Variants in ERC2 observed in about 807,000 individuals in gnomAD.
The protein encoded by ERC2 is ELKS/RAB6-interacting/CAST family member 2, also known as ERC protein 2.
ERC2 carries 42 observed loss-of-function variants against 114.8 expected under a neutral mutation model. The observed-to-expected ratio is 0.37, with a 90% CI of 0.29 to 0.47. ERC2 has a LOEUF of 0.47. ERC2 is among the 20% of genes least tolerant of loss of function. ERC2 has a pLI of 0.99. For missense variants in ERC2, 939 were observed against 1,150.7 expected, an observed-to-expected ratio of 0.82 and a Z score of 2.66; for synonymous variants, 454 against 425.5, an observed-to-expected ratio of 1.07 and a Z score of -0.82.
At chr3:55,895,016 T>C (rs9811620) in intron 13 of ERC2, among the ~76,000 whole-genome samples, 52,569 of 152,050 alleles carry the variant, frequency 0.35, 11,268 homozygotes, top group African/African-American at 0.6. Flanking sequence ...CCTCTGCTTA[T>C]CAAAACTGCC....
At chr3:55,946,778 C>CA (rs951904515) in intron 13 of ERC2, among the ~76,000 whole-genome samples, 20 of 151,796 alleles carry the variant, frequency 1.3e-4, no homozygotes, top group African/African-American at 2.2e-4. Flanking sequence ...GTCAATGCTC[C>CA]AAAAAAAATG....
intron 12 of ERC2, among the ~76,000 whole-genome samples, chr3:55,952,998 C>A (rs922894063): frequency 6.6e-6 from 1 of 152,034 alleles, no homozygotes; most frequent in Non-Finnish European, 1.5e-5. Context: ...TCGAGACCAT[C>A]CTGGCTAACA....
chr3:55,802,208 T>C (rs1238992039), intron 14 of ERC2, among the ~76,000 whole-genome samples: 2 of 152,258 alleles, frequency 1.3e-5, no homozygotes, highest in Non-Finnish European at 2.9e-5. Context: ...TTTAATATCC[T>C]GAACGTTATT....
chr3:56,384,319 A>G (rs1030174950), intron 2 of ERC2, among the ~76,000 whole-genome samples: 3 of 152,158 alleles, frequency 2.0e-5, no homozygotes, highest in Admixed American at 1.3e-4. Flanking sequence ...TATTCCCTCC[A>G]TCAATGCACA....
At chr3:55,513,177 A>G (rs931583191) in intron 17 of ERC2, among the ~76,000 whole-genome samples, 5 of 152,204 alleles carry the variant, frequency 3.3e-5, no homozygotes, top group South Asian at 2.1e-4. Context: ...GGTGACATCC[A>G]GTCCATAGTG....
At chr3:56,363,027 G>A (rs535303900) in intron 2 of ERC2, among the ~76,000 whole-genome samples, 17 of 152,164 alleles carry the variant, frequency 1.1e-4, no homozygotes, top group Non-Finnish European at 2.1e-4. Context: ...GAAACAAATG[G>A]TAGTCAGACT....
At chr3:56,181,896 CA>C (rs1232075109) in intron 3 of ERC2, among the ~76,000 whole-genome samples, 3 of 152,160 alleles carry the variant, frequency 2.0e-5, no homozygotes, top group Admixed American at 6.5e-5. Flanking sequence ...AATGAGCCAT[CA>C]AAAAAGTGGA....
intron 17 of ERC2, among the ~76,000 whole-genome samples, chr3:55,529,870 G>A (rs2053563238): frequency 6.6e-6 from 1 of 152,154 alleles, no homozygotes; most frequent in East Asian, 1.9e-4. Context: ...ACTCTGGCCT[G>A]GGAGACCTGA....
At chr3:55,690,901 A>C (rs2062606841) in intron 16 of ERC2, among the ~76,000 whole-genome samples, 1 of 152,170 alleles carries the variant, frequency 6.6e-6, no homozygotes, top group Non-Finnish European at 1.5e-5. Context: ...CCAGCTTCCC[A>C]ACTGCTGCGT....
intron 2 of ERC2, among the ~76,000 whole-genome samples, chr3:56,372,335 C>T (rs1053608763): frequency 6.6e-6 from 1 of 152,132 alleles, no homozygotes; most frequent in Non-Finnish European, 1.5e-5. Flanking sequence ...TTTCTAAATA[C>T]TTCACATTTT....
intron 17 of ERC2, among the ~76,000 whole-genome samples, chr3:55,664,154 T>A (rs182909748): frequency 6.6e-6 from 1 of 152,210 alleles, no homozygotes; most frequent in South Asian, 2.1e-4. Flanking sequence ...CTTTTATTTT[T>A]TTCCCCCCTC....
At chr3:56,248,691 A>G (rs761263467) in intron 3 of ERC2, among the ~76,000 whole-genome samples, 17 of 152,236 alleles carry the variant, frequency 1.1e-4, no homozygotes, top group Admixed American at 2.0e-4. Flanking sequence ...TTCTGTAAAC[A>G]CAATAAAGTA....
intron 5 of ERC2, among the ~76,000 whole-genome samples, chr3:56,144,798 T>C (rs938554792): frequency 1.3e-5 from 2 of 152,244 alleles, no homozygotes; most frequent in African/African-American, 4.8e-5. Flanking sequence ...TAAATATTTA[T>C]GTAGACAATA....
chr3:56,094,934 G>A (rs1351444167), intron 6 of ERC2, among the ~76,000 whole-genome samples: 1 of 152,202 alleles, frequency 6.6e-6, no homozygotes, highest in Admixed American at 6.5e-5. Flanking sequence ...AGAGTTAGAT[G>A]TAAAAAATTA....
chr3:55,846,697 C>T (rs199572205), intron 14 of ERC2, among the ~76,000 whole-genome samples: 73 of 133,198 alleles, frequency 5.5e-4, no homozygotes, highest in African/African-American at 2.1e-3. Flanking sequence ...CTCTCTTTCT[C>T]TCTCTCTCTC....
At chr3:56,363,749 T>C (rs1381215209) in intron 2 of ERC2, among the ~76,000 whole-genome samples, 1 of 150,228 alleles carries the variant, frequency 6.7e-6, no homozygotes. Context: ...AGAGTGCTCT[T>C]TCCAAAACAA....
chr3:56,329,810 C>T, intron 2 of ERC2, among the ~76,000 whole-genome samples: 1 of 148,654 alleles, frequency 6.7e-6, no homozygotes, highest in East Asian at 2.0e-4. Context: ...TATATATTTC[C>T]ACTATATGTA....
At chr3:55,901,198 A>ACAAAACAG (rs1214816340) in intron 13 of ERC2, among the ~76,000 whole-genome samples, 1 of 152,112 alleles carries the variant, frequency 6.6e-6, no homozygotes, top group Non-Finnish European at 1.5e-5. Flanking sequence ...ATCTGTTTTG[A>ACAAAACAG]TCCCAGCACT....
At chr3:56,213,201 C>T (rs1289296523) in intron 3 of ERC2, among the ~76,000 whole-genome samples, 1 of 152,086 alleles carries the variant, frequency 6.6e-6, no homozygotes, top group African/African-American at 2.4e-5. Flanking sequence ...CGAGCATGAG[C>T]CAAAGCAAGG....
Sources: gnomAD v4.1 joint callset for allele counts (sites outside exome capture counted in the v4.1 genomes callset) on GRCh38, gnomAD v4.1.1 for gene constraint, MANE v1.5 for transcripts, NCBI Gene and HGNC (gene_info 2026-07-23, HGNC 2026-07-21) for gene names.